Variants in NAP1L4 observed in about 807,000 individuals in gnomAD.
NAP1L4 encodes the protein nucleosome assembly protein 1-like 4.
NAP1L4 carries 15 observed loss-of-function variants against 58.2 expected under a neutral mutation model. That is an observed-to-expected ratio of 0.26 (90% CI 0.17 to 0.40). The LOEUF (loss-of-function observed/expected upper bound fraction) is 0.40, where lower values mean the gene tolerates loss of function less well. NAP1L4 is among the 10% of genes least tolerant of loss of function. The probability of loss-of-function intolerance (pLI) is 1.00; values close to 1 mark genes in which losing one functional copy is unlikely to be tolerated. For synonymous variants in NAP1L4, 171 were observed against 155.6 expected (o/e 1.10, Z -0.74); for missense variants, 384 against 451.1 (o/e 0.85, Z 1.35).
intron 7 of NAP1L4, among the ~76,000 whole-genome samples, chr11:2,966,534 C>G (rs534542806): frequency 3.6e-4 from 55 of 152,298 alleles, no homozygotes; most frequent in Non-Finnish European, 5.9e-4. Flanking sequence ...GTATTTCCCC[C>G]CTTTCTGTGC....
intron 3 of NAP1L4, among the ~76,000 whole-genome samples, chr11:2,978,047 C>A (rs1022357334): frequency 6.6e-6 from 1 of 152,096 alleles, no homozygotes; most frequent in Non-Finnish European, 1.5e-5. Flanking sequence ...TACTAAAGCT[C>A]ACTGATGGTA....
chr11:2,949,263 A>G lies in NAP1L4; in HGVS notation c.1124T>C (p.Val375Ala), dbSNP rs1846098128. The G allele has an allele frequency of 2.1e-5, 33 of 1,598,940 alleles. No homozygotes were observed. Among genetic ancestry groups the G allele is most frequent in the Non-Finnish European group, 2.8e-5 (33 of 1,166,308 alleles). The part of the protein sequence containing the change: ...DEDDAEINPK[V>A] Reference sequence around the variant, plus strand: ...TGAATGATTAACAGACAAAAATTACACCTAAATGGGGAAAAAAATTGAAAG... The same window carrying G: ...TGAATGATTAACAGACAAAAATTACGCCTAAATGGGGAAAAAAATTGAAAG... Residue 375 changes from valine (V) to alanine (A), a missense_variant and splice_region_variant, in exon 15 of 16, where the codon GTG becomes GCG. Coordinates refer to ENST00000380542, the MANE Select transcript of NAP1L4 (RefSeq NM_005969.4). This position sits in a 1 kb window ranked among gnomAD's most constrained non-coding sequence, Gnocchi z 4.0.
Position 2,948,991 on chromosome 11 carries a change from C to G in NAP1L4, c.*32+236G>C, listed in dbSNP as rs1393562093. ...TACCATCAGCAATGAAAATTACACC[C>G]AAGTTACATCTTTGCTACTTGGTTA... On this transcript the variant is annotated intron_variant, in intron 15 of 15. Transcript: ENST00000380542. This position sits in a 1 kb window ranked among gnomAD's most constrained non-coding sequence, Gnocchi z 5.1. Among the ~76,000 whole-genome samples the G allele has an allele frequency of 6.6e-6, 1 of 152,192 alleles. No individual in the cohort carries two copies. The highest frequency in any genetic ancestry group is 2.4e-5 in the African/African-American group (1 of 41,438).
chr11:2,954,370 TC>T lies in NAP1L4; in HGVS notation c.1035+156del, dbSNP rs1590222141. On this transcript the variant is annotated intron_variant, in intron 12 of 15. Transcript: ENST00000380542. The surrounding 1 kb of genome is among the most constrained non-coding windows in gnomAD (Gnocchi z 4.8). Reference sequence around the variant, plus strand: ...TCAGACTTCTCCTCTTCAAGCGTATTCCCCCCACAACAAGGACAGCAGCTTG... The same window carrying T: ...TCAGACTTCTCCTCTTCAAGCGTATTCCCCCACAACAAGGACAGCAGCTTG... 6.5e-6 allele frequency: 7 copies of T among 1,069,746 alleles called. No individual in the cohort carries two copies. The highest frequency in any genetic ancestry group is 8.4e-6 in the Non-Finnish European group (6 of 715,944). The allele number at this position is 1,069,746 out of a possible 1,614,324, so 66.3% of individuals were successfully genotyped here.
rs1382875108 is a variant in NAP1L4 at position 2,951,913 on chromosome 11, C to G, written c.1036-104G>C. 1 of 1,134,068 alleles carries G rather than the reference C, an allele frequency of 8.8e-7. No individual in the cohort carries two copies. Among genetic ancestry groups the G allele is most frequent in the African/African-American group, 1.5e-5 (1 of 65,636 alleles). The allele number at this position is 1,134,068 out of a possible 1,614,324, so 70.3% of individuals were successfully genotyped here. ...ACTCACTGACCAAGCCTAAGAGGAG[C>G]AGAAAGTCCAGCCACGCTGCCTGCT... On this transcript the variant is annotated intron_variant, in intron 12 of 15. Transcript: ENST00000380542. This position sits in a 1 kb window ranked among gnomAD's most constrained non-coding sequence, Gnocchi z 4.0.
chr11:2,988,508 T>C (rs922631620), intron 1 of NAP1L4, among the ~76,000 whole-genome samples: 2 of 152,238 alleles, frequency 1.3e-5, no homozygotes, highest in African/African-American at 4.8e-5. Context: ...GCCCAGTACA[T>C]AGAAGATGCT....
chr11:2,968,526 T>C (rs1476350569), intron 7 of NAP1L4, among the ~76,000 whole-genome samples: 1 of 152,174 alleles, frequency 6.6e-6, no homozygotes, highest in African/African-American at 2.4e-5. Context: ...AAGAAATACA[T>C]CATTCTTTCC....
At chr11:2,967,131 T>C (rs974355304) in intron 7 of NAP1L4, among the ~76,000 whole-genome samples, 5 of 152,178 alleles carry the variant, frequency 3.3e-5, no homozygotes, top group African/African-American at 1.2e-4. Context: ...GAGCTGGGCA[T>C]AGTGGCGCAT....
In NAP1L4 at chr11:2,951,357, A is replaced by C. The variant is rs201453436; in HGVS notation, c.1066-42T>G. On this transcript the variant is annotated intron_variant, in intron 13 of 15. Transcript: ENST00000380542. The surrounding 1 kb of genome is among the most constrained non-coding windows in gnomAD (Gnocchi z 4.0). Reference sequence around the variant, plus strand: ...AGAATTAGCTGGAATGACAAGATTTAAACTCTTGTGGCATTCACAATCCAC... The same window carrying C: ...AGAATTAGCTGGAATGACAAGATTTCAACTCTTGTGGCATTCACAATCCAC... 6.4e-4 allele frequency: 1,003 copies of C among 1,557,572 alleles called. 8 individuals carry two copies. The African/African-American group carries it at 0.012, about 18-fold the overall frequency.
In NAP1L4 at chr11:2,945,555, C is replaced by G; in HGVS notation, c.*124G>C. 6.7e-7 allele frequency: 1 copy of G among 1,502,816 alleles called. No individual in the cohort carries two copies. Among genetic ancestry groups the G allele is most frequent in the Admixed American group, 2.0e-5 (1 of 50,294 alleles). The allele number at this position is 1,502,816 out of a possible 1,614,324, so 93.1% of individuals were successfully genotyped here. A position where few individuals can be genotyped will look rare whatever the true frequency, so the allele number is the denominator to read the frequency against. On this transcript the variant is annotated 3_prime_UTR_variant, in exon 16 of 16. Transcript: ENST00000380542. The stretch of plus-strand genomic sequence containing the variant: ...TGCTGCGGCAAGGACCGAGGCCCCG[C>G]CCACAGGCCTGGAGTCCCGACAGCC...
At chr11:2,973,035 C>T (rs1284249063) in intron 4 of NAP1L4, among the ~76,000 whole-genome samples, 5 of 152,148 alleles carry the variant, frequency 3.3e-5, no homozygotes, top group Non-Finnish European at 7.3e-5. Flanking sequence ...GTCGATAGAT[C>T]TGTACAAGTG....
intron 7 of NAP1L4, among the ~76,000 whole-genome samples, chr11:2,966,624 G>T (rs1847301357): frequency 6.6e-6 from 1 of 152,168 alleles, no homozygotes; most frequent in Non-Finnish European, 1.5e-5. Flanking sequence ...ATACCTGCAA[G>T]TATCTAGACA....
chr11:2,964,380 C>T (rs1424733896), intron 8 of NAP1L4, among the ~76,000 whole-genome samples: 3 of 152,198 alleles, frequency 2.0e-5, no homozygotes, highest in Non-Finnish European at 2.9e-5. Flanking sequence ...TTGGTGCCCA[C>T]CTGGCTGCAG....
intron 1 of NAP1L4, chr11:2,989,053 G>C (rs1208430128): frequency 6.6e-6 from 1 of 152,164 alleles, no homozygotes; most frequent in Non-Finnish European, 1.5e-5. Flanking sequence ...TCTACCTACT[G>C]ATAAGGGTTT....
At chr11:2,953,384 T>G (rs533272038) in intron 12 of NAP1L4, among the ~76,000 whole-genome samples, 15 of 152,366 alleles carry the variant, frequency 9.8e-5, no homozygotes, top group African/African-American at 3.4e-4. Context: ...TATTTAAATT[T>G]AAACTAAGGT....
chr11:2,949,228 T>C lies in NAP1L4; in HGVS notation c.*31A>G, dbSNP rs774931509. The C allele has an allele frequency of 1.9e-6, 3 of 1,592,064 alleles. No homozygotes were observed. Among genetic ancestry groups the C allele is most frequent in the Non-Finnish European group, 2.6e-6 (3 of 1,160,074 alleles). ...GGTATGAATGGAATTCCACCTTACC[T>C]AGAAACGTATGAATGATTAACAGAC... On this transcript the variant is annotated splice_region_variant and 3_prime_UTR_variant, in exon 15 of 16. Transcript: ENST00000380542. The surrounding 1 kb of genome is among the most constrained non-coding windows in gnomAD (Gnocchi z 4.0).
intron 1 of NAP1L4, 95 bp from the exon 2 acceptor site, chr11:2,979,332 C>T (rs1416141728): frequency 8.7e-6 from 9 of 1,033,852 alleles, no homozygotes; most frequent in African/African-American, 1.6e-5. Flanking sequence ...GGATGGAGTC[C>T]ACTAGAAGGG....
chr11:2,968,946 A>C (rs1314203567), intron 7 of NAP1L4, among the ~76,000 whole-genome samples: 4 of 149,546 alleles, frequency 2.7e-5, no homozygotes, highest in Non-Finnish European at 5.9e-5. Flanking sequence ...ATGTCAAGGC[A>C]AGACAAAATC....
At chr11:2,953,501 GA>G (rs1846352737) in intron 12 of NAP1L4, among the ~76,000 whole-genome samples, 1 of 152,234 alleles carries the variant, frequency 6.6e-6, no homozygotes, top group Non-Finnish European at 1.5e-5. Context: ...CATCAACAGA[GA>G]AAGTTCTACT....
Sources: gnomAD v4.1 joint callset for allele counts (sites outside exome capture counted in the v4.1 genomes callset) on GRCh38, gnomAD v4.1.1 for gene constraint, Gnocchi (gnomAD v3.1) non-coding constraint, MANE v1.5 for transcripts, NCBI Gene and HGNC (gene_info 2026-07-23, HGNC 2026-07-21) for gene names.